RHOBTB1: variants seen among roughly 807,000 people sequenced by gnomAD.
The protein encoded by RHOBTB1 is rho-related BTB domain-containing protein 1.
A neutral mutation model predicts 71.6 loss-of-function variants in RHOBTB1; 40 were observed. The ratio of observed to expected loss-of-function variants is 0.56; its 90% CI spans 0.43 to 0.73. The LOEUF (loss-of-function observed/expected upper bound fraction) is 0.73. RHOBTB1 is among the 30% of genes least tolerant of loss of function. RHOBTB1 has a pLI of 0.00. For missense variants in RHOBTB1, 797 were observed against 894.0 expected (o/e 0.89, Z 1.38); for synonymous variants, 319 against 334.9 (o/e 0.95, Z 0.52).
intron 2 of RHOBTB1, among the ~76,000 whole-genome samples, chr10:60,924,397 T>C (rs2083744158): frequency 6.6e-6 from 1 of 151,870 alleles, no homozygotes; most frequent in South Asian, 2.1e-4. Context: ...AGACAAAAAC[T>C]GTAAAAAGAG....
intron 2 of RHOBTB1, among the ~76,000 whole-genome samples, chr10:60,974,706 CAG>C (rs1036671543): frequency 1.3e-5 from 2 of 152,036 alleles, no homozygotes; most frequent in African/African-American, 2.4e-5. Flanking sequence ...TGATTCTAGA[CAG>C]AGACACAAGT....
intron 2 of RHOBTB1, among the ~76,000 whole-genome samples, chr10:60,914,320 C>T (rs898346046): frequency 9.2e-5 from 14 of 152,022 alleles, no homozygotes; most frequent in South Asian, 4.1e-4. Flanking sequence ...TAACCCTCTT[C>T]GACAAGTTTC....
chr10:60,886,337 G>T, intron 6 of RHOBTB1, 107 bp from the exon 7 acceptor site: 1 of 731,816 alleles, frequency 1.4e-6, no homozygotes, highest in South Asian at 1.7e-5. Flanking sequence ...ACTCTCTCTT[G>T]CATGTCTTTA....
chr10:60,886,930 CAA>C (rs1343945919), intron 6 of RHOBTB1, among the ~76,000 whole-genome samples: 1 of 151,664 alleles, frequency 6.6e-6, no homozygotes, highest in East Asian at 1.9e-4. Context: ...TACCTTATCA[CAA>C]GTTTTCCCAA....
intron 4 of RHOBTB1, among the ~76,000 whole-genome samples, chr10:60,909,321 T>G (rs2082846972): frequency 6.6e-6 from 1 of 152,224 alleles, no homozygotes; most frequent in Non-Finnish European, 1.5e-5. Context: ...GTTTTCTCTT[T>G]TTTTTTCTGT....
intron 2 of RHOBTB1, among the ~76,000 whole-genome samples, chr10:60,934,771 A>G (rs2084473987): frequency 6.6e-6 from 1 of 152,210 alleles, no homozygotes; most frequent in Non-Finnish European, 1.5e-5. Context: ...ATCCCTATTT[A>G]GAGAGAACAA....
At chr10:60,995,669 T>G (rs529132106) in intron 1 of RHOBTB1, among the ~76,000 whole-genome samples, 1 of 152,222 alleles carries the variant, frequency 6.6e-6, no homozygotes, top group Non-Finnish European at 1.5e-5. Context: ...GGAGAAATAA[T>G]AAAGGGTTGA....
rs192395537 is a variant in RHOBTB1, at chr10:60,879,187, C to T, written c.1576-1129G>A. 9.2e-5 allele frequency among the ~76,000 whole-genome samples: 14 copies of T among 152,104 alleles called. No individual in the cohort carries two copies. In the East Asian group the frequency reaches 1.9e-3, roughly 21 times the overall value. On this transcript the variant is annotated intron_variant, in intron 7 of 10. Coordinates refer to ENST00000337910, the MANE Select transcript of RHOBTB1 (RefSeq NM_014836.5). ...GGATTTAAACCCAGGGAGTATGATGCGAAAGTGTATGTTCAGAATTTCTCT... is the reference window on the plus strand; with the variant it reads ...GGATTTAAACCCAGGGAGTATGATGTGAAAGTGTATGTTCAGAATTTCTCT...
rs1256582012 is a variant in RHOBTB1 at position 60,944,029 on chromosome 10, G to A, written c.-120C>T. ...CTTCAAGGGCCGGGGGGAGCGGGGG[G>A]GCCCCCGCCACTCAGCAGCAGCCAC... On this transcript the variant is annotated 5_prime_UTR_variant, in exon 1 of 11. Coordinates refer to ENST00000337910, the MANE Select transcript of RHOBTB1 (RefSeq NM_014836.5). 1.3e-5 allele frequency: 2 copies of A among 151,564 alleles called. No individual in the cohort carries two copies. Among genetic ancestry groups the A allele is most frequent in the Non-Finnish European group, 3.0e-5 (2 of 67,766 alleles). The allele number at this position is 151,564 out of a possible 1,614,324, so 9.4% of individuals were successfully genotyped here.
rs754480832 is a variant in RHOBTB1, at chr10:60,888,507, G to A, written c.1161C>T (p.Val387=). ...GFIGMHREMQ[V]NPISKRMGPM... Reference sequence around the variant, plus strand: ...GCCCCATCCGCTTTGAAATGGGGTTGACTTGCATTTCCCTGTGCATGCCAA... The same window carrying A: ...GCCCCATCCGCTTTGAAATGGGGTTAACTTGCATTTCCCTGTGCATGCCAA... The change falls in exon 6 of 11, where the codon GTC becomes GTT. Residue 387 remains valine (V), a synonymous_variant. Coordinates refer to ENST00000337910, the MANE Select transcript of RHOBTB1 (RefSeq NM_014836.5). The A allele has an allele frequency of 1.2e-6, 2 of 1,614,188 alleles. No homozygotes were observed. The highest frequency in any genetic ancestry group is 1.7e-5 in the Admixed American group (1 of 60,032).
At chr10:60,882,692 C>T (rs564454120) in intron 7 of RHOBTB1, among the ~76,000 whole-genome samples, 4 of 152,200 alleles carry the variant, frequency 2.6e-5, no homozygotes, top group African/African-American at 7.2e-5. Context: ...TGGCCTACAA[C>T]AGCCAAATCC....
intron 6 of RHOBTB1, among the ~76,000 whole-genome samples, chr10:60,886,837 G>A (rs1448818935): frequency 1.3e-5 from 2 of 151,322 alleles, no homozygotes; most frequent in African/African-American, 4.9e-5. Context: ...ACCATGCCTG[G>A]CTATATGTGT....
At chr10:60,873,292 A>G (rs2080888916) in intron 9 of RHOBTB1, among the ~76,000 whole-genome samples, 1 of 152,200 alleles carries the variant, frequency 6.6e-6, no homozygotes, top group Non-Finnish European at 1.5e-5. Flanking sequence ...CTTTGAGTTT[A>G]GTGACTTCAT....
chr10:60,954,346 A>G (rs187095367), intron 2 of RHOBTB1, among the ~76,000 whole-genome samples: 3 of 152,330 alleles, frequency 2.0e-5, no homozygotes, highest in Admixed American at 2.0e-4. Context: ...TTATAAAAAT[A>G]CAGAAGATAT....
intron 2 of RHOBTB1, among the ~76,000 whole-genome samples, chr10:60,951,763 G>A (rs1443649195): frequency 6.8e-6 from 1 of 147,546 alleles, no homozygotes; most frequent in Non-Finnish European, 1.5e-5. Context: ...TGTTAATAAT[G>A]GTAAATGGTT....
intron 2 of RHOBTB1, among the ~76,000 whole-genome samples, chr10:60,981,772 T>C (rs542498557): frequency 4.4e-4 from 67 of 152,114 alleles, no homozygotes; most frequent in African/African-American, 1.6e-3. Flanking sequence ...GTATTATAAG[T>C]TACTTTTTTT....
intron 2 of RHOBTB1, among the ~76,000 whole-genome samples, chr10:60,955,504 G>C (rs1296094658): frequency 6.6e-6 from 1 of 152,136 alleles, no homozygotes; most frequent in Non-Finnish European, 1.5e-5. Flanking sequence ...GATTGAGCAG[G>C]GTAATTATTC....
intron 4 of RHOBTB1, among the ~76,000 whole-genome samples, chr10:60,900,096 G>A (rs941240568): frequency 2.6e-5 from 4 of 152,200 alleles, no homozygotes; most frequent in African/African-American, 9.6e-5. Context: ...GCACAGTCGT[G>A]AGGGGAAACT....
chr10:60,949,381 A>T (rs2134370906), intron 2 of RHOBTB1, among the ~76,000 whole-genome samples: 1 of 152,342 alleles, frequency 6.6e-6, no homozygotes, highest in South Asian at 2.1e-4. Context: ...GTGTGTTCGT[A>T]GTTTTTGCAC....
Sources: allele counts gnomAD v4.1 joint callset (sites outside exome capture counted in the v4.1 genomes callset), GRCh38; gene constraint gnomAD v4.1.1; transcripts MANE v1.5; gene names NCBI Gene and HGNC (gene_info 2026-07-23, HGNC 2026-07-21).